FCHO2: variants seen among roughly 807,000 people sequenced by gnomAD.
The protein encoded by FCHO2 is FCH and mu domain containing endocytic adaptor 2.
FCHO2 carries 43 observed loss-of-function variants against 114.1 expected under a neutral mutation model. That is an observed-to-expected ratio of 0.38 (90% CI 0.30 to 0.49). The LOEUF (loss-of-function observed/expected upper bound fraction) is 0.49. FCHO2 is among the 20% of genes least tolerant of loss of function. FCHO2 has a pLI of 0.97. For missense variants in FCHO2, 807 were observed against 950.4 expected, an observed-to-expected ratio of 0.85 and a Z score of 1.98; for synonymous variants, 293 against 315.2, an observed-to-expected ratio of 0.93 and a Z score of 0.75.
intron 5 of FCHO2, among the ~76,000 whole-genome samples, chr5:73,004,917 A>G (rs937353483): frequency 1.1e-4 from 16 of 152,244 alleles, no homozygotes; most frequent in Admixed American, 3.3e-4. Flanking sequence ...AGGAAAAAAC[A>G]TAGTATATAA....
chr5:73,074,195 A>G (rs1006935685), intron 19 of FCHO2, among the ~76,000 whole-genome samples: 2 of 150,240 alleles, frequency 1.3e-5, no homozygotes, highest in African/African-American at 4.9e-5. Flanking sequence ...TTTTTTTTTT[A>G]AATAATGTTA....
intron 6 of FCHO2, among the ~76,000 whole-genome samples, chr5:73,007,672 C>G (rs1297983066): frequency 6.6e-6 from 1 of 152,178 alleles, no homozygotes; most frequent in African/African-American, 2.4e-5. Flanking sequence ...GGCATAGACT[C>G]TGTTAGGTGC....
intron 8 of FCHO2, among the ~76,000 whole-genome samples, chr5:73,025,168 A>G (rs371740470): frequency 1.3e-5 from 2 of 152,022 alleles, no homozygotes; most frequent in African/African-American, 2.4e-5. Flanking sequence ...TTGAGTTGCT[A>G]TGGGTGACTA....
At chr5:72,958,492 A>G (rs1164798112) in intron 1 of FCHO2, among the ~76,000 whole-genome samples, 1 of 152,154 alleles carries the variant, frequency 6.6e-6, no homozygotes, top group African/African-American at 2.4e-5. Context: ...TCGACCAGAA[A>G]TGTATGGATT....
chr5:73,077,007 A>C (rs887276271), intron 20 of FCHO2, among the ~76,000 whole-genome samples: 1 of 152,154 alleles, frequency 6.6e-6, no homozygotes, highest in Non-Finnish European at 1.5e-5. Flanking sequence ...AATAGCCACA[A>C]CTAGGTATAG....
chr5:72,969,583 C>T (rs543492868), intron 2 of FCHO2, among the ~76,000 whole-genome samples: 3 of 152,318 alleles, frequency 2.0e-5, no homozygotes, highest in Non-Finnish European at 4.4e-5. Context: ...TCTTCCCCTA[C>T]ACTTCACTAC....
intron 17 of FCHO2, among the ~76,000 whole-genome samples, chr5:73,059,979 T>C (rs1757779007): frequency 6.6e-6 from 1 of 152,006 alleles, no homozygotes; most frequent in Admixed American, 6.6e-5. Flanking sequence ...ATTAAAGTCT[T>C]TAATAAAAGT....
In FCHO2 at chr5:73,041,286, A is replaced by C; in HGVS notation, c.915-5A>C. 3.4e-6 allele frequency: 5 copies of C among 1,476,514 alleles called. No individual in the cohort carries two copies. The highest frequency in any genetic ancestry group is 4.7e-6 in the Non-Finnish European group (5 of 1,061,756). 91.5% of individuals were successfully genotyped at this position (1,476,514 alleles called of 1,614,324 possible). On this transcript the variant is annotated splice_polypyrimidine_tract_variant and splice_region_variant and intron_variant, in intron 10 of 25. Coordinates refer to ENST00000430046, the MANE Select transcript of FCHO2 (RefSeq NM_138782.3). ...TTGAGTATTTCTGATATTTTGTTTT[A>C]ATAGGGAATGTCCTGATGCAGATTC...
chr5:73,073,296 C>G (rs543090063), intron 19 of FCHO2, among the ~76,000 whole-genome samples: 2 of 152,006 alleles, frequency 1.3e-5, no homozygotes, highest in Non-Finnish European at 2.9e-5. Context: ...AATAATGTTT[C>G]TCTCAAACAT....
intron 1 of FCHO2, among the ~76,000 whole-genome samples, chr5:72,965,837 T>C (rs1258447018): frequency 6.6e-6 from 1 of 152,154 alleles, no homozygotes; most frequent in Non-Finnish European, 1.5e-5. Flanking sequence ...AGAGCTAAAT[T>C]AAAAGGAAAA....
intron 5 of FCHO2, 137 bp downstream of exon 5, chr5:72,991,001 C>G: frequency 1.1e-6 from 1 of 908,554 alleles, no homozygotes; most frequent in Non-Finnish European, 1.6e-6. Flanking sequence ...TAGTGATTAC[C>G]CAAGTAAAAC....
At position 73,078,191 on chromosome 5, in the gene FCHO2, A is replaced by G. The variant is rs1355279281; in HGVS notation, c.1859A>G (p.Gln620Arg). The change falls in exon 22 of 26, where the codon CAA (glutamine) becomes CGA (arginine). Residue 620 changes from glutamine to arginine, a missense_variant. Transcript: ENST00000430046. The part of the protein sequence containing the change: ...NAQLVFSDPS[Q>R]CDSNTKDFWM... Reference sequence around the variant, plus strand: ...TTTTATATATGTAGTGATCCATCACAATGTGATTCCAACACAAAAGATTTT... The same window carrying G: ...TTTTATATATGTAGTGATCCATCACGATGTGATTCCAACACAAAAGATTTT... 6.4e-7 allele frequency: 1 copy of G among 1,557,874 alleles called. No homozygotes were observed. The highest frequency in any genetic ancestry group is 8.7e-7 in the Non-Finnish European group (1 of 1,152,436).
chr5:72,982,940 G>A (rs1010589725), intron 2 of FCHO2, among the ~76,000 whole-genome samples: 1 of 144,772 alleles, frequency 6.9e-6, no homozygotes, highest in Non-Finnish European at 1.5e-5. Flanking sequence ...TTCAGACAGA[G>A]TATCTCTCTG....
intron 2 of FCHO2, among the ~76,000 whole-genome samples, chr5:72,969,157 G>T (rs1182492957): frequency 1.3e-5 from 2 of 152,096 alleles, no homozygotes; most frequent in African/African-American, 4.8e-5. Flanking sequence ...AAGCTATTTT[G>T]TGGCTACCCC....
chr5:73,049,765 T>C (rs573908564), intron 11 of FCHO2, among the ~76,000 whole-genome samples: 34 of 152,362 alleles, frequency 2.2e-4, no homozygotes, highest in African/African-American at 7.9e-4. Flanking sequence ...TTTAGGCAAC[T>C]TCTGCTGTTT....
At chr5:73,073,892 CAT>C (rs1382020772) in intron 19 of FCHO2, among the ~76,000 whole-genome samples, 1 of 151,930 alleles carries the variant, frequency 6.6e-6, no homozygotes, top group Non-Finnish European at 1.5e-5. Context: ...AACAAACTCT[CAT>C]ATATTTTTAT....
intron 19 of FCHO2, 52 bp from the exon 20 acceptor site, chr5:73,074,690 T>A (rs188205947): frequency 6.7e-7 from 1 of 1,500,954 alleles, no homozygotes; most frequent in Non-Finnish European, 9.1e-7. Context: ...TATCTTGATA[T>A]TTAATTTATG....
chr5:73,034,645 C>A lies in FCHO2; in HGVS notation c.797-12C>A, dbSNP rs1756406161. 8 of 1,575,856 alleles carry A rather than the reference C, an allele frequency of 5.1e-6. No homozygotes were observed. The East Asian group carries it at 1.8e-4, about 36-fold the overall frequency. ...TTTTCTACTAGAAGTTTTTCAATTT[C>A]TTTTTTTCCAGGCCTCATTGAATTT... On this transcript the variant is annotated splice_polypyrimidine_tract_variant and intron_variant, in intron 8 of 25. Coordinates refer to ENST00000430046, the MANE Select transcript of FCHO2 (RefSeq NM_138782.3).
In FCHO2 at chr5:73,053,657, C is replaced by G. The variant is rs147198489; in HGVS notation, c.1174-503C>G. 4.8e-4 allele frequency among the ~76,000 whole-genome samples: 72 copies of G among 150,270 alleles called. 1 individual carries two copies. In the East Asian group the frequency reaches 0.014, roughly 28 times the overall value. ...GTTGAAGTGAGCCGAGATTGCACCA[C>G]TGCACTCCAGCCTGGGTGACAGAGC... On this transcript the variant is annotated intron_variant, in intron 13 of 25. Transcript: ENST00000430046.
Sources: gnomAD v4.1 joint callset for allele counts (sites outside exome capture counted in the v4.1 genomes callset) on GRCh38, gnomAD v4.1.1 for gene constraint, MANE v1.5 for transcripts, NCBI Gene and HGNC (gene_info 2026-07-23, HGNC 2026-07-21) for gene names.